The following BAZ2B variants were observed in gnomAD, a reference collection of about 807,000 sequenced individuals.
BAZ2B encodes the protein bromodomain adjacent to zinc finger domain protein 2B.
Under a neutral mutation model 246.0 loss-of-function variants are expected in BAZ2B, and 91 were observed. The ratio of observed to expected loss-of-function variants is 0.37; its 90% CI spans 0.31 to 0.44. The LOEUF (loss-of-function observed/expected upper bound fraction) is 0.44, where lower values mean the gene tolerates loss of function less well. BAZ2B is among the 20% of genes least tolerant of loss of function. The pLI is 1.00. For synonymous variants in BAZ2B, 855 were observed against 860.0 expected, an observed-to-expected ratio of 0.99 and a Z score of 0.10; for missense variants, 2,332 against 2,533.7, an observed-to-expected ratio of 0.92 and a Z score of 1.71.
At chr2:159,576,379 G>A (rs1005240220) in intron 1 of BAZ2B, among the ~76,000 whole-genome samples, 1 of 152,050 alleles carries the variant, frequency 6.6e-6, no homozygotes, top group African/African-American at 2.4e-5. Flanking sequence ...TCAACAAAGT[G>A]AGACCCCGTC....
the BAZ2B span, among the ~76,000 whole-genome samples, chr2:159,676,647 G>GCACACACACACACACA: frequency 0.03 from 3,980 of 132,526 alleles, 119 homozygotes; most frequent in East Asian, 0.056. Context: ...GTATCTAAAT[G>GCACACACACACACACA]CACACACACA....
intron 27 of BAZ2B, among the ~76,000 whole-genome samples, chr2:159,364,140 G>A (rs955292142): frequency 1.3e-5 from 2 of 152,110 alleles, no homozygotes; most frequent in Non-Finnish European, 2.9e-5. Context: ...CCCTAACCAT[G>A]TACCCCAGAT....
chr2:159,574,347 CAAACA>C (rs1041545176), intron 1 of BAZ2B, among the ~76,000 whole-genome samples: 4 of 136,920 alleles, frequency 2.9e-5, no homozygotes, highest in African/African-American at 7.7e-5. Flanking sequence ...AACAAACAAA[CAAACA>C]AAACAAAACA....
At chr2:159,407,578 G>A (rs899603004) in intron 14 of BAZ2B, among the ~76,000 whole-genome samples, 14 of 152,146 alleles carry the variant, frequency 9.2e-5, no homozygotes, top group African/African-American at 2.7e-4. Flanking sequence ...GTAACCATAT[G>A]TCCTCATAAC....
At position 159,434,599 on chromosome 2, in the gene BAZ2B, C is replaced by A. The variant is rs1055940682; in HGVS notation, c.1294-1236G>T. ...ATAAATTCCTCAGGGTAGAAACACTCATTTATTCACCTTTATGGTCTTCCT... is the reference window on the plus strand; with the variant it reads ...ATAAATTCCTCAGGGTAGAAACACTAATTTATTCACCTTTATGGTCTTCCT... On this transcript the variant is annotated intron_variant, in intron 8 of 36. Transcript: ENST00000392783. The A allele has an allele frequency of 5.9e-5, 9 of 152,082 alleles. No homozygotes were observed. In the East Asian group the frequency reaches 1.7e-3, roughly 29 times the overall value. 9.4% of individuals were successfully genotyped at this position (152,082 alleles called of 1,614,324 possible).
chr2:159,616,821 T>C (rs1696152572), upstream of BAZ2B: 1 of 152,156 alleles, frequency 6.6e-6, no homozygotes, highest in Non-Finnish European at 1.5e-5. Flanking sequence ...AAACGGGATT[T>C]AAAACTTAGT....
chr2:159,418,335 T>C lies in BAZ2B; in HGVS notation c.2467-5790A>G, dbSNP rs372676566. On this transcript the variant is annotated intron_variant, in intron 13 of 36. Coordinates refer to ENST00000392783, the MANE Select transcript of BAZ2B (RefSeq NM_013450.4). ...TTCCTATTTCAACATTTCTGTTATA[T>C]AGTCTTCATAAATAAATGACTCCAA... Among the ~76,000 whole-genome samples, 27 of 152,328 alleles carry C rather than the reference T, an allele frequency of 1.8e-4. 1 individual carries two copies. The Middle Eastern group carries it at 0.01, about 58-fold the overall frequency.
intron 1 of BAZ2B, among the ~76,000 whole-genome samples, chr2:159,573,448 C>T (rs1005677951): frequency 5.3e-5 from 8 of 152,160 alleles, no homozygotes; most frequent in Admixed American, 3.9e-4. Context: ...GCTGGAACAA[C>T]TGAATATCCA....
At chr2:159,645,818 T>C in the BAZ2B span, among the ~76,000 whole-genome samples, 8 of 152,162 alleles carry the variant, frequency 5.3e-5, no homozygotes, top group Admixed American at 3.9e-4. Flanking sequence ...AGCAAGTTTT[T>C]ATTAGGGATT....
intron 1 of BAZ2B, among the ~76,000 whole-genome samples, chr2:159,572,984 T>C (rs1042945133): frequency 6.6e-6 from 1 of 152,010 alleles, no homozygotes; most frequent in African/African-American, 2.4e-5. Flanking sequence ...GCTCACTACC[T>C]GCTGGAAAAT....
At chr2:159,355,214 C>T (rs180710892) in intron 27 of BAZ2B, among the ~76,000 whole-genome samples, 3 of 152,184 alleles carry the variant, frequency 2.0e-5, no homozygotes, top group Non-Finnish European at 4.4e-5. Flanking sequence ...ACAAATGGCC[C>T]CTTCCTAGGG....
At chr2:159,632,213 G>C in the BAZ2B span, among the ~76,000 whole-genome samples, 6 of 152,050 alleles carry the variant, frequency 3.9e-5, no homozygotes, top group Admixed American at 3.9e-4. Context: ...AAATCCAAGG[G>C]CATAATAACA....
At chr2:159,584,648 CAGAAA>C (rs528956321) in intron 1 of BAZ2B, among the ~76,000 whole-genome samples, 51 of 152,212 alleles carry the variant, frequency 3.4e-4, no homozygotes, top group African/African-American at 1.0e-3. Flanking sequence ...AGTTAAGATA[CAGAAA>C]AGAAGAGTCA....
chr2:159,370,179 G>A (rs1280549141), intron 27 of BAZ2B, among the ~76,000 whole-genome samples: 1 of 152,082 alleles, frequency 6.6e-6, no homozygotes, highest in African/African-American at 2.4e-5. Context: ...GTGGGGTGGT[G>A]GGAGAGGGGA....
the BAZ2B span, among the ~76,000 whole-genome samples, chr2:159,639,707 A>G: frequency 4.3e-4 from 65 of 152,274 alleles, no homozygotes; most frequent in African/African-American, 1.4e-3. Context: ...CAAAAAATAA[A>G]AAGAAATTAA....
intron 2 of BAZ2B, among the ~76,000 whole-genome samples, chr2:159,510,582 T>C (rs901516769): frequency 1.3e-5 from 2 of 152,164 alleles, no homozygotes; most frequent in Non-Finnish European, 2.9e-5. Context: ...GACCACTGGA[T>C]TGTGTAGATA....
chr2:159,505,842 C>T (rs1230269185), intron 2 of BAZ2B, among the ~76,000 whole-genome samples: 1 of 152,090 alleles, frequency 6.6e-6, no homozygotes, highest in Admixed American at 6.6e-5. Context: ...CTTCTAAAAC[C>T]TGAAACTGAC....
the BAZ2B span, among the ~76,000 whole-genome samples, chr2:159,700,134 C>T: frequency 6.6e-6 from 1 of 152,132 alleles, no homozygotes; most frequent in Non-Finnish European, 1.5e-5. Flanking sequence ...TTTTGGAGGA[C>T]ATTCAGACCA....
intron 21 of BAZ2B, among the ~76,000 whole-genome samples, chr2:159,388,784 G>T (rs1330328910): frequency 6.6e-6 from 1 of 152,038 alleles, no homozygotes; most frequent in Non-Finnish European, 1.5e-5. Context: ...GGGATGTGGG[G>T]AGGAGTTGAG....
Sources: gnomAD v4.1 joint callset for allele counts (sites outside exome capture counted in the v4.1 genomes callset) on GRCh38, gnomAD v4.1.1 for gene constraint, MANE v1.5 for transcripts, NCBI Gene and HGNC (gene_info 2026-07-23, HGNC 2026-07-21) for gene names.